TENM3: variants seen among roughly 807,000 people sequenced by gnomAD.
The protein encoded by TENM3 is teneurin-3.
In TENM3, 63 loss-of-function variants were observed where a neutral mutation model predicts 255.1. The observed-to-expected ratio is 0.25, with a 90% CI of 0.20 to 0.30. The LOEUF is 0.30. TENM3 is among the 10% of genes least tolerant of loss of function. The pLI is 1.00. For synonymous variants in TENM3, 1,306 were observed against 1,322.3 expected (o/e 0.99, Z 0.27); for missense variants, 2,929 against 3,461.1 (o/e 0.85, Z 3.86).
intron 5 of TENM3, among the ~76,000 whole-genome samples, chr4:182,642,567 T>C (rs182221709): frequency 1.0e-3 from 153 of 152,352 alleles, no homozygotes; most frequent in Admixed American, 2.6e-3. Context: ...GGCATTTTGA[T>C]AGCCAATATG....
intron 3 of TENM3, among the ~76,000 whole-genome samples, chr4:182,384,516 A>T (rs771581403): frequency 1.3e-4 from 20 of 152,188 alleles, no homozygotes; most frequent in Non-Finnish European, 2.1e-4. Context: ...AACAAGCTGG[A>T]AAATAAGTGG....
chr4:182,789,806 A>T lies in TENM3; in HGVS notation c.5601+417A>T, dbSNP rs1765958597. ...TTGTGTTATTCCTGGCAGAGCTTCA[A>T]CATAATCATAAAAAGCATGTAGATC... On this transcript the variant is annotated intron_variant, in intron 25 of 27. Coordinates refer to ENST00000511685, the MANE Select transcript of TENM3 (RefSeq NM_001080477.4). The surrounding 1 kb of genome is among the most constrained non-coding windows in gnomAD (Gnocchi z 4.4). Among the ~76,000 whole-genome samples the T allele has an allele frequency of 6.6e-6, 1 of 152,230 alleles. No individual in the cohort carries two copies. Among genetic ancestry groups the T allele is most frequent in the Admixed American group, 6.5e-5 (1 of 15,288 alleles).
chr4:182,660,710 T>C (rs1372599252), intron 6 of TENM3, among the ~76,000 whole-genome samples: 3 of 152,260 alleles, frequency 2.0e-5, no homozygotes, highest in Non-Finnish European at 4.4e-5. Context: ...AATATTATCG[T>C]GTATTTTTTA....
the TENM3 span, among the ~76,000 whole-genome samples, chr4:182,106,386 G>A: frequency 1.3e-5 from 2 of 152,160 alleles, no homozygotes; most frequent in East Asian, 1.9e-4. Flanking sequence ...ACTTGAGCCC[G>A]GAAGTCAAAG....
upstream of TENM3, among the ~76,000 whole-genome samples, chr4:182,242,947 C>A (rs1249621181): frequency 3.3e-5 from 5 of 152,088 alleles, no homozygotes; most frequent in Non-Finnish European, 2.9e-5. Context: ...GAGAGGTAAG[C>A]AAGATAATCA....
chr4:182,324,743 G>C (rs1023729089), intron 2 of TENM3, among the ~76,000 whole-genome samples: 3 of 152,220 alleles, frequency 2.0e-5, no homozygotes, highest in African/African-American at 7.2e-5. Context: ...GCCTCTGTCT[G>C]ATTCACACAA....
chr4:181,588,107 G>C, the TENM3 span, among the ~76,000 whole-genome samples: 1 of 152,164 alleles, frequency 6.6e-6, no homozygotes, highest in Non-Finnish European at 1.5e-5. Flanking sequence ...GAGCATGCCA[G>C]ACATGCCAAG....
chr4:181,725,557 G>C, the TENM3 span, among the ~76,000 whole-genome samples: 1 of 151,464 alleles, frequency 6.6e-6, no homozygotes, highest in Non-Finnish European at 1.5e-5. Context: ...TCCTGCCTAA[G>C]TCTCCTGAGT....
the TENM3 span, among the ~76,000 whole-genome samples, chr4:181,782,598 G>A: frequency 2.0e-5 from 3 of 151,880 alleles, no homozygotes; most frequent in Admixed American, 6.6e-5. Flanking sequence ...TTTTTTGAAG[G>A]TTTTTTTGTG....
the TENM3 span, among the ~76,000 whole-genome samples, chr4:181,463,795 A>C: frequency 2.0e-5 from 3 of 152,134 alleles, no homozygotes; most frequent in Non-Finnish European, 2.9e-5. Context: ...AGTTTTTAGC[A>C]GTCACTTTTC....
At chr4:181,763,940 T>C in the TENM3 span, among the ~76,000 whole-genome samples, 2 of 152,228 alleles carry the variant, frequency 1.3e-5, no homozygotes, top group Non-Finnish European at 2.9e-5. Context: ...ATCATTTTGA[T>C]TATGACTTTC....
chr4:181,555,061 T>C, the TENM3 span, among the ~76,000 whole-genome samples: 1 of 152,254 alleles, frequency 6.6e-6, no homozygotes, highest in East Asian at 1.9e-4. Context: ...TTTTTTAAAG[T>C]ATGAACCTTT....
the TENM3 span, among the ~76,000 whole-genome samples, chr4:181,815,506 A>C: frequency 6.6e-6 from 1 of 151,404 alleles, no homozygotes; most frequent in Admixed American, 6.6e-5. Flanking sequence ...ATGATACATT[A>C]ACAAAGTGAA....
chr4:181,617,150 A>T, the TENM3 span, among the ~76,000 whole-genome samples: 1 of 152,208 alleles, frequency 6.6e-6, no homozygotes, highest in East Asian at 1.9e-4. Context: ...CGAAAGACAG[A>T]TAATAGATGG....
At chr4:182,769,375 C>T (rs1454342859) in intron 22 of TENM3, among the ~76,000 whole-genome samples, 4 of 151,468 alleles carry the variant, frequency 2.6e-5, no homozygotes, top group African/African-American at 9.7e-5. Flanking sequence ...GTTTTCATTT[C>T]TGTTGACATA....
chr4:182,241,883 A>G (rs148888501), upstream of TENM3, among the ~76,000 whole-genome samples: 193 of 152,052 alleles, frequency 1.3e-3, 1 homozygote, highest in East Asian at 0.023. Context: ...TTCTCCACTG[A>G]AATGACTCTC....
chr4:182,585,536 C>T (rs535236006), intron 3 of TENM3, among the ~76,000 whole-genome samples: 1 of 152,302 alleles, frequency 6.6e-6, no homozygotes, highest in Admixed American at 6.5e-5. Context: ...TCTGCCTCGC[C>T]TCAGCAAGAA....
chr4:182,451,930 G>T (rs952897466), intron 3 of TENM3, among the ~76,000 whole-genome samples: 13 of 152,148 alleles, frequency 8.5e-5, no homozygotes, highest in African/African-American at 3.1e-4. Context: ...TAGCAATCCA[G>T]ATGTAAATGC....
intron 14 of TENM3, among the ~76,000 whole-genome samples, chr4:182,729,949 CT>C (rs1760558800): frequency 6.6e-6 from 1 of 152,154 alleles, no homozygotes; most frequent in African/African-American, 2.4e-5. Flanking sequence ...AATTATTAGT[CT>C]TGATAACGCT....
Sources: allele counts gnomAD v4.1 joint callset (sites outside exome capture counted in the v4.1 genomes callset), GRCh38; gene constraint gnomAD v4.1.1; non-coding constraint Gnocchi (gnomAD v3.1); transcripts MANE v1.5; gene names NCBI Gene and HGNC (gene_info 2026-07-23, HGNC 2026-07-21).